RARRES1: variants seen among roughly 807,000 people sequenced by gnomAD.
The protein encoded by RARRES1 is retinoic acid receptor responder protein 1.
RARRES1 carries 34 observed loss-of-function variants against 30.6 expected under a neutral mutation model. That is an observed-to-expected ratio of 1.11 (90% CI 0.84 to 1.48). The LOEUF (loss-of-function observed/expected upper bound fraction) is 1.48. Among genes scored for constraint, RARRES1 ranks in the 40% most tolerant of loss-of-function variants. The probability of loss-of-function intolerance (pLI) is 0.00; values close to 1 mark genes in which losing one functional copy is unlikely to be tolerated. For synonymous variants in RARRES1, 153 were observed against 155.5 expected (o/e 0.98, Z 0.12); for missense variants, 373 against 386.5 (o/e 0.97, Z 0.29).
intron 1 of RARRES1, among the ~76,000 whole-genome samples, chr3:158,722,267 A>G (rs1423185453): frequency 6.6e-6 from 1 of 152,134 alleles, no homozygotes; most frequent in African/African-American, 2.4e-5. Context: ...GCACCTCTAC[A>G]ATGTCATGTC....
At chr3:158,713,513 A>C (rs1442596897) in intron 2 of RARRES1, among the ~76,000 whole-genome samples, 1 of 152,134 alleles carries the variant, frequency 6.6e-6, no homozygotes, top group Non-Finnish European at 1.5e-5. Context: ...GGGATACCAG[A>C]GGGAGCTGTG....
intron 1 of RARRES1, among the ~76,000 whole-genome samples, chr3:158,724,259 G>T (rs1426574143): frequency 1.3e-5 from 2 of 152,144 alleles, no homozygotes; most frequent in Non-Finnish European, 2.9e-5. Context: ...CACGGGGTGT[G>T]GTAGGCTGAA....
Position 158,712,152 on chromosome 3 carries a change from C to T in RARRES1, c.340-1219G>A, listed in dbSNP as rs565849230. On this transcript the variant is annotated intron_variant, in intron 2 of 5. Coordinates refer to ENST00000237696, the MANE Select transcript of RARRES1 (RefSeq NM_206963.2). ...ATGGGCCACTAGTCTTGGCCCTGCC[C>T]AAATCCAACTCTCGTTGGCTGGTTG... Among the ~76,000 whole-genome samples the T allele has an allele frequency of 2.0e-5, 3 of 152,294 alleles. No individual in the cohort carries two copies. The South Asian group carries it at 6.2e-4, about 32-fold the overall frequency.
chr3:158,702,836 AAGCATTCT>A (rs1007426656), intron 4 of RARRES1, among the ~76,000 whole-genome samples: 1 of 152,234 alleles, frequency 6.6e-6, no homozygotes, highest in Non-Finnish European at 1.5e-5. Flanking sequence ...TTCTATTTAA[AAGCATTCT>A]ATATGGGGAA....
intron 3 of RARRES1, among the ~76,000 whole-genome samples, chr3:158,705,503 C>T (rs1177868158): frequency 6.6e-6 from 1 of 151,996 alleles, no homozygotes; most frequent in Admixed American, 6.6e-5. Context: ...TGCAGTGCCA[C>T]AATTACTCTT....
chr3:158,723,019 C>T lies in RARRES1; in HGVS notation c.276+9121G>A, dbSNP rs890426871. Among the ~76,000 whole-genome samples the T allele has an allele frequency of 6.6e-6, 1 of 152,216 alleles. No individual in the cohort carries two copies. Among genetic ancestry groups the T allele is most frequent in the African/African-American group, 2.4e-5 (1 of 41,458 alleles). On this transcript the variant is annotated intron_variant, in intron 1 of 5. Coordinates refer to ENST00000237696, the MANE Select transcript of RARRES1 (RefSeq NM_206963.2). The surrounding 1 kb of genome is among the most constrained non-coding windows in gnomAD (Gnocchi z 4.4). Reference sequence around the variant, plus strand: ...CACCCCATGGAGGAGTCTCCAAAGACATGATTCTGCCCAAAGCTTCTCTAC... The same window carrying T: ...CACCCCATGGAGGAGTCTCCAAAGATATGATTCTGCCCAAAGCTTCTCTAC...
chr3:158,729,131 T>C (rs964425511), intron 1 of RARRES1, among the ~76,000 whole-genome samples: 10 of 152,242 alleles, frequency 6.6e-5, no homozygotes, highest in Admixed American at 2.0e-4. Flanking sequence ...TATGACTCCT[T>C]AGACCACCTG....
chr3:158,697,522 C>CA lies in RARRES1; in HGVS notation c.*155dup, dbSNP rs1017234813. On this transcript the variant is annotated 3_prime_UTR_variant, in exon 6 of 6. Transcript: ENST00000237696. ...TTAAAAGCTAAAGCAGACTGAGAAA[C>CA]AAAAAACCAACATCTTTGCATTTCT... 3 of 836,124 alleles carry CA rather than the reference C, an allele frequency of 3.6e-6. No homozygotes were observed. The highest frequency in any genetic ancestry group is 3.5e-5 in the African/African-American group (2 of 57,948). The allele number at this position is 836,124 out of a possible 1,614,324, so 51.8% of individuals were successfully genotyped here.
At chr3:158,717,998 AGACAGAGTCTT>A (rs1727380142) in intron 1 of RARRES1, among the ~76,000 whole-genome samples, 1 of 93,676 alleles carries the variant, frequency 1.1e-5, no homozygotes, top group Non-Finnish European at 2.2e-5. Context: ...TTTTTTTTTG[AGACAGAGTCTT>A]GCTCTGTCGC....
chr3:158,701,311 G>T (rs777036929), intron 4 of RARRES1, among the ~76,000 whole-genome samples: 2 of 151,498 alleles, frequency 1.3e-5, no homozygotes, highest in Non-Finnish European at 2.9e-5. Flanking sequence ...TAAGGAAAGA[G>T]TTGTGCCAGT....
intron 4 of RARRES1, among the ~76,000 whole-genome samples, chr3:158,698,732 C>G (rs995788078): frequency 6.6e-6 from 1 of 150,964 alleles, no homozygotes. Flanking sequence ...GAAGAAAGAA[C>G]ATTTTTTAAA....
chr3:158,705,354 G>A (rs912725394), intron 3 of RARRES1, among the ~76,000 whole-genome samples: 1 of 151,980 alleles, frequency 6.6e-6, no homozygotes, highest in East Asian at 1.9e-4. Context: ...TCCAACTGTC[G>A]CACACCTAGC....
chr3:158,700,341 A>G (rs750107554), intron 4 of RARRES1, among the ~76,000 whole-genome samples: 1 of 152,100 alleles, frequency 6.6e-6, no homozygotes, highest in Non-Finnish European at 1.5e-5. Context: ...GTCTCCATTG[A>G]GGCAAAAAAG....
chr3:158,713,611 T>C (rs938367980), intron 2 of RARRES1, among the ~76,000 whole-genome samples, 186 bp downstream of exon 2: 4 of 152,164 alleles, frequency 2.6e-5, no homozygotes, highest in African/African-American at 9.7e-5. Flanking sequence ...GACCATGAAG[T>C]TGAAGTAGTT....
chr3:158,722,385 A>G (rs1366666676), intron 1 of RARRES1, among the ~76,000 whole-genome samples: 1 of 152,126 alleles, frequency 6.6e-6, no homozygotes, highest in African/African-American at 2.4e-5. Flanking sequence ...TACATTAGGC[A>G]CTACCCACTT....
intron 1 of RARRES1, among the ~76,000 whole-genome samples, chr3:158,720,464 T>G (rs1727480969): frequency 6.6e-6 from 1 of 152,124 alleles, no homozygotes; most frequent in African/African-American, 2.4e-5. Flanking sequence ...CAGATATTTA[T>G]TCTCATACAG....
In RARRES1 at chr3:158,697,535, TC is replaced by T; in HGVS notation, c.*142del. The stretch of plus-strand genomic sequence containing the variant: ...CAGACTGAGAAACAAAAAACCAACA[TC>T]TTTGCATTTCTGAGTTTTTACTTGT... On this transcript the variant is annotated 3_prime_UTR_variant, in exon 6 of 6. Coordinates refer to ENST00000237696, the MANE Select transcript of RARRES1 (RefSeq NM_206963.2). 1.1e-6 allele frequency: 1 copy of T among 903,750 alleles called. No homozygotes were observed. Among genetic ancestry groups the T allele is most frequent in the East Asian group, 2.6e-5 (1 of 38,080 alleles). The allele number at this position is 903,750 out of a possible 1,614,324, so 56.0% of individuals were successfully genotyped here. A position where few individuals can be genotyped will look rare whatever the true frequency, so the allele number is the denominator to read the frequency against.
At chr3:158,718,705 T>G (rs563389321) in intron 1 of RARRES1, among the ~76,000 whole-genome samples, 1 of 152,202 alleles carries the variant, frequency 6.6e-6, no homozygotes, top group African/African-American at 2.4e-5. Flanking sequence ...TATAAGGATG[T>G]TCCCTGAGGC....
At chr3:158,712,631 A>G (rs1727174061) in intron 2 of RARRES1, among the ~76,000 whole-genome samples, 1 of 144,356 alleles carries the variant, frequency 6.9e-6, no homozygotes, top group Admixed American at 7.2e-5. Context: ...GGAACCTAGT[A>G]CATGGCCTCC....
Sources: allele counts gnomAD v4.1 joint callset (sites outside exome capture counted in the v4.1 genomes callset), GRCh38; gene constraint gnomAD v4.1.1; non-coding constraint Gnocchi (gnomAD v3.1); transcripts MANE v1.5; gene names NCBI Gene and HGNC (gene_info 2026-07-23, HGNC 2026-07-21).